The following DLGAP1 variants were observed in gnomAD, a reference collection of about 807,000 sequenced individuals.
DLGAP1 encodes disks large-associated protein 1.
Under a neutral mutation model 90.8 loss-of-function variants are expected in DLGAP1, and 11 were observed. The ratio of observed to expected loss-of-function variants is 0.12; its 90% CI spans 0.08 to 0.20. The LOEUF is 0.20. Among genes scored for constraint, DLGAP1 ranks in the 10% least tolerant of loss-of-function variants. The pLI is 1.00. For missense variants in DLGAP1, 1,050 were observed against 1,333.8 expected, an observed-to-expected ratio of 0.79 and a Z score of 3.31; for synonymous variants, 558 against 540.7, an observed-to-expected ratio of 1.03 and a Z score of -0.44.
intron 1 of DLGAP1, among the ~76,000 whole-genome samples, chr18:4,424,808 T>G (rs2083116587): frequency 6.6e-6 from 1 of 152,218 alleles, no homozygotes; most frequent in Admixed American, 6.5e-5. Context: ...ATACAAGAGA[T>G]GGTCAAATTG....
At chr18:4,103,814 C>T (rs1375003762) in intron 2 of DLGAP1, among the ~76,000 whole-genome samples, 1 of 152,032 alleles carries the variant, frequency 6.6e-6, no homozygotes, top group East Asian at 1.9e-4. Flanking sequence ...TCAAATAATA[C>T]ATTTTTTCTT....
At chr18:3,938,506 G>A (rs1776882199) in intron 3 of DLGAP1, among the ~76,000 whole-genome samples, 2 of 152,188 alleles carry the variant, frequency 1.3e-5, no homozygotes, top group African/African-American at 4.8e-5. Context: ...GCAAGGTCGC[G>A]AGCCTCTGTT....
chr18:4,388,965 T>C (rs1221359076), intron 1 of DLGAP1, among the ~76,000 whole-genome samples: 1 of 152,100 alleles, frequency 6.6e-6, no homozygotes, highest in Non-Finnish European at 1.5e-5. Context: ...CCTCAAAATA[T>C]TAAAAATTGA....
At chr18:4,143,938 A>G (rs1278081439) in intron 2 of DLGAP1, among the ~76,000 whole-genome samples, 5 of 152,080 alleles carry the variant, frequency 3.3e-5, no homozygotes, top group Admixed American at 1.3e-4. Context: ...TCAGGACTCT[A>G]TCTGGTGTCC....
At chr18:4,436,359 C>T (rs1037980783) in intron 1 of DLGAP1, among the ~76,000 whole-genome samples, 2 of 152,024 alleles carry the variant, frequency 1.3e-5, no homozygotes, top group Non-Finnish European at 2.9e-5. Flanking sequence ...CACCTGAAGG[C>T]TTGTTAAAAT....
At chr18:4,263,100 A>G (rs2079035249) in intron 1 of DLGAP1, among the ~76,000 whole-genome samples, 1 of 151,962 alleles carries the variant, frequency 6.6e-6, no homozygotes, top group African/African-American at 2.4e-5. Flanking sequence ...CGTCCAGCTA[A>G]TTTTTGTATT....
intron 1 of DLGAP1, among the ~76,000 whole-genome samples, chr18:4,385,048 T>G (rs662164): frequency 0.52 from 79,116 of 151,792 alleles, 22,258 homozygotes; most frequent in East Asian, 0.68. Flanking sequence ...ATAATCACTT[T>G]AAAAAACAAT....
At chr18:4,289,226 T>G (rs1419172159) in intron 1 of DLGAP1, among the ~76,000 whole-genome samples, 1 of 152,082 alleles carries the variant, frequency 6.6e-6, no homozygotes. Context: ...CTTTCTTGTG[T>G]GTTTGTCTAG....
At chr18:4,308,597 T>G (rs1289722162) in intron 1 of DLGAP1, among the ~76,000 whole-genome samples, 1 of 152,132 alleles carries the variant, frequency 6.6e-6, no homozygotes, top group African/African-American at 2.4e-5. Context: ...AACCTTTCCA[T>G]CAGATTAACA....
intron 10 of DLGAP1, among the ~76,000 whole-genome samples, chr18:3,513,969 T>C (rs1257570643): frequency 6.6e-6 from 1 of 152,224 alleles, no homozygotes; most frequent in Non-Finnish European, 1.5e-5. Flanking sequence ...GGAGTTTCAG[T>C]GTGCTGGTGA....
chr18:4,094,603 CTT>C (rs1568393314), intron 2 of DLGAP1, among the ~76,000 whole-genome samples: 1 of 131,034 alleles, frequency 7.6e-6, no homozygotes, highest in African/African-American at 2.9e-5. Flanking sequence ...CTTCCTTTCT[CTT>C]TCTTTTTTTT....
In DLGAP1 at chr18:3,499,311, C is replaced by T. The variant is rs529778142; in HGVS notation, c.2808G>A (p.Ser936=). ...GGCGCTTGCGGGCCTCCTGGCGCTG[C>T]GAGCTCTCCAGCGAGCGCTCCCGGA... ...PLIRERSLES[S]QRQEARKRLM... Residue 936 remains serine (S), a synonymous_variant, in exon 13 of 13, where the codon TCG becomes TCA. Coordinates refer to ENST00000315677, the MANE Select transcript of DLGAP1 (RefSeq NM_004746.4). This position sits in a 1 kb window ranked among gnomAD's most constrained non-coding sequence, Gnocchi z 6.4. 143 of 1,576,774 alleles carry T rather than the reference C, an allele frequency of 9.1e-5. 2 individuals carry two copies. The South Asian group carries it at 1.6e-3, about 18-fold the overall frequency.
chr18:3,882,723 G>A (rs1447904447), intron 3 of DLGAP1, among the ~76,000 whole-genome samples: 4 of 152,036 alleles, frequency 2.6e-5, no homozygotes, highest in African/African-American at 7.3e-5. Flanking sequence ...AACTAACAGA[G>A]GCTGCTATTC....
At chr18:3,851,199 G>C (rs1377205870) in intron 4 of DLGAP1, among the ~76,000 whole-genome samples, 1 of 152,052 alleles carries the variant, frequency 6.6e-6, no homozygotes, top group East Asian at 1.9e-4. Context: ...AAAAGTAAGG[G>C]CCTTAATCCA....
chr18:4,268,307 A>G (rs755226801), intron 1 of DLGAP1, among the ~76,000 whole-genome samples: 7 of 152,260 alleles, frequency 4.6e-5, no homozygotes, highest in Non-Finnish European at 8.8e-5. Flanking sequence ...GGAAATTTCA[A>G]AAAGGAATAA....
chr18:4,404,451 T>C (rs2082620940), intron 1 of DLGAP1, among the ~76,000 whole-genome samples: 1 of 152,094 alleles, frequency 6.6e-6, no homozygotes, highest in African/African-American at 2.4e-5. Flanking sequence ...GAATAAAGCT[T>C]AAACAACAAC....
intron 7 of DLGAP1, among the ~76,000 whole-genome samples, chr18:3,611,459 C>G (rs189474378): frequency 6.6e-6 from 1 of 152,210 alleles, no homozygotes; most frequent in African/African-American, 2.4e-5. Context: ...AGCCTTCCAA[C>G]GGCAGCTGTC....
chr18:3,848,175 A>G (rs534460057), intron 4 of DLGAP1, among the ~76,000 whole-genome samples: 68 of 140,282 alleles, frequency 4.8e-4, no homozygotes, highest in African/African-American at 1.7e-3. Context: ...GACAGTAAAC[A>G]CAAAAAAGAC....
intron 1 of DLGAP1, among the ~76,000 whole-genome samples, chr18:4,312,343 C>T (rs1013812683): frequency 2.0e-5 from 3 of 152,158 alleles, no homozygotes; most frequent in African/African-American, 7.2e-5. Flanking sequence ...CTTACCACTA[C>T]ATCCTACACC....
Sources: allele counts gnomAD v4.1 joint callset (sites outside exome capture counted in the v4.1 genomes callset), GRCh38; gene constraint gnomAD v4.1.1; non-coding constraint Gnocchi (gnomAD v3.1); transcripts MANE v1.5; gene names NCBI Gene and HGNC (gene_info 2026-07-23, HGNC 2026-07-21).